The following CSMD1 variants were observed in gnomAD, a reference collection of about 807,000 sequenced individuals.
CSMD1 encodes CUB and sushi domain-containing protein 1.
In CSMD1, 213 loss-of-function variants were observed where a neutral mutation model predicts 417.5. That is an observed-to-expected ratio of 0.51 (90% CI 0.46 to 0.57). CSMD1 has a LOEUF of 0.57. Among genes scored for constraint, CSMD1 ranks in the 20% least tolerant of loss-of-function variants. The pLI, the probability that CSMD1 is intolerant of heterozygous loss-of-function variation, is 0.00. For missense variants in CSMD1, 6,923 were observed against 4,529.7 expected, an observed-to-expected ratio of 1.53 and a Z score of -15.17; for synonymous variants, 2,862 against 1,736.8, an observed-to-expected ratio of 1.65 and a Z score of -16.11.
At chr8:4,901,544 C>T (rs1289840740) in intron 1 of CSMD1, among the ~76,000 whole-genome samples, 2 of 152,108 alleles carry the variant, frequency 1.3e-5, no homozygotes, top group Admixed American at 6.5e-5. Flanking sequence ...ATATGATCTC[C>T]CCACCAAAAA....
At chr8:4,373,731 G>A (rs1255614545) in intron 3 of CSMD1, among the ~76,000 whole-genome samples, 2 of 152,100 alleles carry the variant, frequency 1.3e-5, no homozygotes, top group Non-Finnish European at 2.9e-5. Context: ...TCCCTCCGGG[G>A]AAGGAACACT....
At chr8:3,196,092 A>G (rs1345252419) in intron 33 of CSMD1, among the ~76,000 whole-genome samples, 1 of 152,116 alleles carries the variant, frequency 6.6e-6, no homozygotes. Context: ...GCCCAAATCC[A>G]CCAAAACCAA....
intron 5 of CSMD1, among the ~76,000 whole-genome samples, chr8:3,818,951 G>C (rs1010736539): frequency 1.1e-4 from 16 of 152,050 alleles, no homozygotes; most frequent in African/African-American, 3.4e-4. Flanking sequence ...TCTTCTAAGG[G>C]GTTTGGTAGT....
At chr8:4,006,748 A>G (rs1336148337) in intron 4 of CSMD1, among the ~76,000 whole-genome samples, 1 of 151,262 alleles carries the variant, frequency 6.6e-6, no homozygotes, top group Non-Finnish European at 1.5e-5. Flanking sequence ...ACCAGAAGGA[A>G]CTCACCACTA....
intron 40 of CSMD1, among the ~76,000 whole-genome samples, chr8:3,149,332 T>C (rs1819049778): frequency 1.3e-5 from 2 of 152,230 alleles, no homozygotes; most frequent in Admixed American, 6.5e-5. Flanking sequence ...TTCCAGTTAG[T>C]TTTGAGAAGA....
At chr8:4,760,123 A>G (rs1811946940) in intron 1 of CSMD1, among the ~76,000 whole-genome samples, 1 of 152,316 alleles carries the variant, frequency 6.6e-6, no homozygotes, top group East Asian at 1.9e-4. Flanking sequence ...ATGAGATCTA[A>G]GCATCTTAAT....
intron 26 of CSMD1, among the ~76,000 whole-genome samples, chr8:3,259,871 ATT>A (rs1800928332): frequency 1.3e-5 from 2 of 148,342 alleles, no homozygotes; most frequent in Admixed American, 1.4e-4. Context: ...AAAATAAAAT[ATT>A]AATTTATGAC....
chr8:4,480,039 T>C (rs1343107326), intron 2 of CSMD1, among the ~76,000 whole-genome samples: 3 of 151,668 alleles, frequency 2.0e-5, no homozygotes, highest in Admixed American at 6.6e-5. Context: ...CCTATCATTC[T>C]CCCTGGAGAA....
intron 2 of CSMD1, among the ~76,000 whole-genome samples, chr8:4,633,774 T>C (rs539626219): frequency 3.9e-5 from 6 of 151,904 alleles, no homozygotes; most frequent in Admixed American, 2.6e-4. Flanking sequence ...TGGCCAAGGA[T>C]GGTCTCAAAC....
chr8:4,345,335 G>A (rs902745493), intron 3 of CSMD1, among the ~76,000 whole-genome samples: 1 of 152,032 alleles, frequency 6.6e-6, no homozygotes, highest in African/African-American at 2.4e-5. Context: ...TCTTTTCCTT[G>A]CTTGGTTTCC....
At chr8:4,216,290 T>A (rs187945552) in intron 3 of CSMD1, among the ~76,000 whole-genome samples, 3 of 152,248 alleles carry the variant, frequency 2.0e-5, no homozygotes, top group African/African-American at 4.8e-5. Context: ...TCCCTGTGGT[T>A]GCCTAGTCAA....
At chr8:3,085,131 G>A (rs1055915026) in intron 49 of CSMD1, among the ~76,000 whole-genome samples, 17 of 151,984 alleles carry the variant, frequency 1.1e-4, no homozygotes, top group Non-Finnish European at 2.4e-4. Flanking sequence ...CAATGGTCAG[G>A]CTCACAGAAA....
At chr8:3,450,731 T>G (rs938529378) in intron 12 of CSMD1, among the ~76,000 whole-genome samples, 1 of 152,114 alleles carries the variant, frequency 6.6e-6, no homozygotes, top group Non-Finnish European at 1.5e-5. Context: ...ACATTTGGGT[T>G]GGTTCCAAGT....
intron 1 of CSMD1, among the ~76,000 whole-genome samples, chr8:4,750,010 T>A (rs36052856): frequency 0.38 from 57,467 of 150,616 alleles, 11,619 homozygotes; most frequent in African/African-American, 0.51. Context: ...AAATAATAAT[T>A]ATTATTATTT....
intron 7 of CSMD1, among the ~76,000 whole-genome samples, chr8:3,706,047 G>T (rs1011595755): frequency 6.6e-6 from 1 of 152,248 alleles, no homozygotes. Context: ...CTCATGGTGG[G>T]AACGCCTAAG....
chr8:4,170,494 G>C (rs949362779), intron 3 of CSMD1, among the ~76,000 whole-genome samples: 2 of 151,830 alleles, frequency 1.3e-5, no homozygotes, highest in East Asian at 1.9e-4. Context: ...ACTGTAATGA[G>C]ATTAATGAAA....
At chr8:4,026,045 A>G (rs76622446) in intron 4 of CSMD1, among the ~76,000 whole-genome samples, 26,056 of 151,692 alleles carry the variant, frequency 0.17, 2,975 homozygotes, top group African/African-American at 0.32. Flanking sequence ...CAGTTCCTGC[A>G]AATAAATAAG....
intron 5 of CSMD1, among the ~76,000 whole-genome samples, chr8:3,823,055 G>A (rs142948878): frequency 2.0e-4 from 30 of 152,184 alleles, no homozygotes; most frequent in Admixed American, 5.2e-4. Flanking sequence ...GATTTCTATG[G>A]TTCCGGAAGA....
chr8:3,177,501 G>C (rs1320418815), intron 37 of CSMD1, among the ~76,000 whole-genome samples: 2 of 152,124 alleles, frequency 1.3e-5, no homozygotes, highest in African/African-American at 4.8e-5. Context: ...TTATTTGAAG[G>C]TAAGCTCTGC....
Sources: gnomAD v4.1 joint callset for allele counts (sites outside exome capture counted in the v4.1 genomes callset) on GRCh38, gnomAD v4.1.1 for gene constraint, MANE v1.5 for transcripts, NCBI Gene and HGNC (gene_info 2026-07-23, HGNC 2026-07-21) for gene names.